Variants in DDX50 observed in about 807,000 individuals in gnomAD.
DDX50 encodes ATP-dependent RNA helicase DDX50.
Under a neutral mutation model 94.8 loss-of-function variants are expected in DDX50, and 56 were observed. That is an observed-to-expected ratio of 0.59 (90% CI 0.48 to 0.74). DDX50 has a LOEUF of 0.74. DDX50 is among the 30% of genes least tolerant of loss of function. The pLI, the probability that DDX50 is intolerant of heterozygous loss-of-function variation, is 0.00. For synonymous variants in DDX50, 264 were observed against 295.4 expected (o/e 0.89, Z 1.09); for missense variants, 713 against 881.2 (o/e 0.81, Z 2.42).
At chr10:68,927,337 C>T (rs1443198710) in intron 8 of DDX50, among the ~76,000 whole-genome samples, 3 of 152,046 alleles carry the variant, frequency 2.0e-5, no homozygotes, top group Admixed American at 2.0e-4. Context: ...TATATGATAA[C>T]CACACAGGTT....
chr10:68,926,774 T>TACAC (rs67773821), intron 8 of DDX50, among the ~76,000 whole-genome samples: 2,165 of 140,390 alleles, frequency 0.015, 37 homozygotes, highest in African/African-American at 0.046. Context: ...CACACAGAGA[T>TACAC]ACACACACAC....
intron 1 of DDX50, among the ~76,000 whole-genome samples, chr10:68,903,457 G>A (rs1841348916): frequency 6.6e-6 from 1 of 151,514 alleles, no homozygotes; most frequent in Non-Finnish European, 1.5e-5. Flanking sequence ...CGTGAGGTCA[G>A]GAGATCGAGA....
rs896499041 is a variant in DDX50, at chr10:68,936,838, C to G, written c.1596-98C>G. 6 of 1,276,932 alleles carry G rather than the reference C, an allele frequency of 4.7e-6. No individual in the cohort carries two copies. In the Admixed American group the frequency reaches 6.9e-5, roughly 15 times the overall value. 79.1% of individuals were successfully genotyped at this position (1,276,932 alleles called of 1,614,324 possible). On this transcript the variant is annotated intron_variant, in intron 11 of 14. Transcript: ENST00000373585. ...ACTGGGTGACAGAGCAAGGCTCTAT[C>G]TCAAAAAAAAAAAATTACTCCTTCT... is the stretch of plus-strand genomic sequence containing the variant.
intron 2 of DDX50, among the ~76,000 whole-genome samples, chr10:68,909,851 A>G (rs946858960): frequency 1.6e-4 from 25 of 152,074 alleles, no homozygotes; most frequent in African/African-American, 5.8e-4. Flanking sequence ...TAGTAGAGAC[A>G]GGGTTTCTCC....
At chr10:68,913,853 A>G (rs1295480332) in intron 6 of DDX50, among the ~76,000 whole-genome samples, 1 of 151,970 alleles carries the variant, frequency 6.6e-6, no homozygotes, top group Non-Finnish European at 1.5e-5. Context: ...TTAAATTCTC[A>G]CTTTCCTTTT....
intron 6 of DDX50, 58 bp from the exon 7 acceptor site, chr10:68,914,001 G>C (rs991332810): frequency 1.5e-5 from 22 of 1,436,376 alleles, no homozygotes; most frequent in African/African-American, 1.3e-4. Context: ...GGATTTTTAA[G>C]AGCGGGCTAC....
chr10:68,925,095 G>GTTTTTTTTTTTTTTTTTTTTTTTT (rs1239190321), intron 8 of DDX50, among the ~76,000 whole-genome samples: 2 of 28,558 alleles, frequency 7.0e-5, no homozygotes, highest in African/African-American at 2.3e-4. Flanking sequence ...CCTGCTCATG[G>GTTTTTTTTTTTTTTTTTTTTTTTT]TTTTTTTTTT....
chr10:68,928,964 T>G (rs918997792), intron 8 of DDX50, among the ~76,000 whole-genome samples: 1 of 152,224 alleles, frequency 6.6e-6, no homozygotes, highest in Non-Finnish European at 1.5e-5. Context: ...TTTTCTTTTT[T>G]TTTGAGACGG....
intron 2 of DDX50, among the ~76,000 whole-genome samples, chr10:68,909,380 A>G (rs1841559772): frequency 6.6e-6 from 1 of 152,224 alleles, no homozygotes; most frequent in South Asian, 2.1e-4. Context: ...TAACTTGTAT[A>G]TATGTTAAAG....
chr10:68,910,231 T>C (rs997130019), intron 2 of DDX50, 76 bp from the exon 3 acceptor site: 2 of 1,219,766 alleles, frequency 1.6e-6, no homozygotes, highest in African/African-American at 3.1e-5. Context: ...TGTAAGTTAA[T>C]CTGTAAAAAA....
intron 12 of DDX50, among the ~76,000 whole-genome samples, chr10:68,939,069 T>G (rs1842494262): frequency 1.3e-5 from 2 of 152,184 alleles, no homozygotes; most frequent in South Asian, 4.1e-4. Flanking sequence ...GGGTACTTTA[T>G]AGTTAATATG....
At position 68,931,382 on chromosome 10, in the gene DDX50, T is replaced by TAAAAA. The variant is rs530913846; in HGVS notation, c.1240-2810_1240-2806dup. Among the ~76,000 whole-genome samples the TAAAAA allele has an allele frequency of 3.2e-3, 324 of 100,260 alleles. 3 individuals are homozygous for TAAAAA. The highest frequency in any genetic ancestry group is 0.013 in the African/African-American group (308 of 24,166). 65.8% of individuals were successfully genotyped at this position (100,260 alleles called of 152,430 possible). A position where few individuals can be genotyped will look rare whatever the true frequency, so the allele number is the denominator to read the frequency against. On this transcript the variant is annotated intron_variant, in intron 8 of 14. Transcript: ENST00000373585. ...GGCTGGTGGGTGGGTGACGGATCAT[T>TAAAAA]AAAAAAAAAAATATATATATATATA...
At chr10:68,931,829 T>C (rs1842282632) in intron 8 of DDX50, among the ~76,000 whole-genome samples, 1 of 152,066 alleles carries the variant, frequency 6.6e-6, no homozygotes, top group African/African-American at 2.4e-5. Context: ...CATCTCTCAC[T>C]CCCTAACCCC....
intron 7 of DDX50, among the ~76,000 whole-genome samples, chr10:68,915,374 C>CT (rs757788358): frequency 7.3e-5 from 11 of 151,160 alleles, no homozygotes; most frequent in Non-Finnish European, 1.2e-4. Flanking sequence ...GATCGCGCCA[C>CT]TGCACTCCAG....
intron 4 of DDX50, among the ~76,000 whole-genome samples, chr10:68,912,144 G>A (rs1841642173): frequency 6.6e-6 from 1 of 152,094 alleles, no homozygotes; most frequent in Admixed American, 6.6e-5. Flanking sequence ...TTTTTCGGGT[G>A]AAATTAGGAA....
intron 8 of DDX50, among the ~76,000 whole-genome samples, chr10:68,923,454 C>T (rs1163130638): frequency 1.3e-5 from 2 of 151,494 alleles, no homozygotes; most frequent in African/African-American, 4.8e-5. Context: ...GATCCACTTG[C>T]CTCTGCCTCC....
Position 68,901,438 on chromosome 10 carries a change from G to T in DDX50, c.54G>T (p.Glu18Asp). Reference protein sequence around the residue: ...GDIMELEAPLEESESQKKERQ... With the variant: ...GDIMELEAPLDESESQKKERQ... ...TTATGGAGCTGGAAGCACCCTTGGA[G>T]GAGTCCGAGAGCCAGAAGAAGGAGA... Residue 18 changes from glutamate (E) to aspartate (D), a missense_variant, in exon 1 of 15, where the codon GAG (glutamate) becomes GAT (aspartate). Coordinates refer to ENST00000373585, the MANE Select transcript of DDX50 (RefSeq NM_024045.2). The T allele has an allele frequency of 6.3e-7, 1 of 1,576,188 alleles. No homozygotes were observed. Among genetic ancestry groups the T allele is most frequent in the East Asian group, 2.4e-5 (1 of 42,320 alleles).
chr10:68,910,021 T>G (rs2132025117), intron 2 of DDX50, among the ~76,000 whole-genome samples: 1 of 152,148 alleles, frequency 6.6e-6, no homozygotes. Context: ...TGAGACCCTG[T>G]CTCTACAAAA....
Position 68,943,160 on chromosome 10 carries a change from A to T in DDX50, c.1891-53A>T, listed in dbSNP as rs551855659. The T allele has an allele frequency of 2.2e-5, 35 of 1,560,918 alleles. No individual in the cohort carries two copies. The East Asian group carries it at 7.6e-4, about 34-fold the overall frequency. On this transcript the variant is annotated intron_variant, in intron 13 of 14. Coordinates refer to ENST00000373585, the MANE Select transcript of DDX50 (RefSeq NM_024045.2). ...TCATGCATTATTAGTAAAACAAAAA[A>T]AATCTACACATATGCATCTAATTTA...
Sources: allele counts gnomAD v4.1 joint callset (sites outside exome capture counted in the v4.1 genomes callset), GRCh38; gene constraint gnomAD v4.1.1; transcripts MANE v1.5; gene names NCBI Gene and HGNC (gene_info 2026-07-23, HGNC 2026-07-21).